RGS22: variants seen among roughly 807,000 people sequenced by gnomAD.
RGS22 encodes regulator of G-protein signaling 22.
A neutral mutation model predicts 172.9 loss-of-function variants in RGS22; 148 were observed. The observed-to-expected ratio is 0.86, with a 90% CI of 0.75 to 0.98. RGS22 has a LOEUF of 0.98. RGS22 is among the 50% of genes least tolerant of loss of function. RGS22 has a pLI of 0.00. For synonymous variants in RGS22, 458 were observed against 480.2 expected (o/e 0.95, Z 0.60); for missense variants, 1,347 against 1,440.8 (o/e 0.93, Z 1.05).
intron 23 of RGS22, among the ~76,000 whole-genome samples, chr8:99,966,018 G>C (rs886315517): frequency 1.3e-5 from 2 of 152,092 alleles, no homozygotes; most frequent in Non-Finnish European, 2.9e-5. Context: ...ATTTTCAGTG[G>C]ATGAATGATC....
rs1815767976 is a variant in RGS22, at chr8:100,006,785, A to C, written c.2362-676T>G. Among the ~76,000 whole-genome samples the C allele has an allele frequency of 2.0e-5, 3 of 152,310 alleles. 1 individual carries two copies. The South Asian group carries it at 6.2e-4, about 32-fold the overall frequency. Reference sequence around the variant, plus strand: ...CAGCTGATCTTTTAGATAAGTCCTCATACTTCCAGAAGGAAGTTTCTGGAA... The same window carrying C: ...CAGCTGATCTTTTAGATAAGTCCTCCTACTTCCAGAAGGAAGTTTCTGGAA... On this transcript the variant is annotated intron_variant, in intron 15 of 27. Transcript: ENST00000360863.
chr8:100,057,768 A>G (rs2131741709), intron 9 of RGS22, among the ~76,000 whole-genome samples: 1 of 152,296 alleles, frequency 6.6e-6, no homozygotes, highest in South Asian at 2.1e-4. Flanking sequence ...TGTCTTTATT[A>G]GTAGCATGAG....
At chr8:100,055,705 T>A (rs553943182) in intron 9 of RGS22, among the ~76,000 whole-genome samples, 1 of 152,184 alleles carries the variant, frequency 6.6e-6, no homozygotes, top group Non-Finnish European at 1.5e-5. Flanking sequence ...AGTCTTACAG[T>A]TCCCCTGCAC....
At chr8:100,011,815 C>A (rs1364063878) in intron 14 of RGS22, among the ~76,000 whole-genome samples, 1 of 152,144 alleles carries the variant, frequency 6.6e-6, no homozygotes, top group Non-Finnish European at 1.5e-5. Flanking sequence ...GAGACTTCAT[C>A]ACCAGCAGAC....
intron 3 of RGS22, among the ~76,000 whole-genome samples, chr8:100,088,973 AGGT>A (rs1324212063): frequency 6.6e-6 from 1 of 152,056 alleles, no homozygotes; most frequent in East Asian, 1.9e-4. Flanking sequence ...AAAGATTAGA[AGGT>A]TTACTTGTTT....
Position 100,006,590 on chromosome 8 carries a change from T to C in RGS22, c.2362-481A>G, listed in dbSNP as rs572279978. ...CATAGCAGGTCTCTGTCTTCAGAGT[T>C]TGTAATGTACTACTTCATATAGTCA... is the stretch of plus-strand genomic sequence containing the variant. On this transcript the variant is annotated intron_variant, in intron 15 of 27. Coordinates refer to ENST00000360863, the MANE Select transcript of RGS22 (RefSeq NM_015668.5). Among the ~76,000 whole-genome samples, 4 of 152,338 alleles carry C rather than the reference T, an allele frequency of 2.6e-5. No individual in the cohort carries two copies. The South Asian group carries it at 8.3e-4, about 32-fold the overall frequency.
At chr8:100,086,001 T>C in intron 3 of RGS22, among the ~76,000 whole-genome samples, 1 of 152,090 alleles carries the variant, frequency 6.6e-6, no homozygotes, top group Admixed American at 6.6e-5. Context: ...TATTAATATA[T>C]TCTGGAAATT....
At position 100,106,032 on chromosome 8, in the gene RGS22, A is replaced by G. The variant is rs1319896416; in HGVS notation, c.-111T>C. The stretch of plus-strand genomic sequence containing the variant: ...CGCGGCGACGGCGCGCGGGCTCCGG[A>G]GCTACGCTGGCTAGCGTGGCCGGCG... On this transcript the variant is annotated 5_prime_UTR_variant, in exon 1 of 28. Coordinates refer to ENST00000360863, the MANE Select transcript of RGS22 (RefSeq NM_015668.5). The G allele has an allele frequency of 8.4e-7, 1 of 1,185,044 alleles. No homozygotes were observed. Among genetic ancestry groups the G allele is most frequent in the Non-Finnish European group, 1.0e-6 (1 of 958,790 alleles). 73.4% of individuals were successfully genotyped at this position (1,185,044 alleles called of 1,614,324 possible).
At chr8:99,977,853 A>G (rs1325110459) in intron 23 of RGS22, 64 bp downstream of exon 23, 6 of 1,344,290 alleles carry the variant, frequency 4.5e-6, no homozygotes, top group Admixed American at 5.4e-5. Flanking sequence ...AAATTATTCT[A>G]TAATTCACAC....
intron 11 of RGS22, among the ~76,000 whole-genome samples, chr8:100,044,692 T>C (rs1820528551): frequency 2.0e-5 from 3 of 151,820 alleles, no homozygotes; most frequent in African/African-American, 4.8e-5. Flanking sequence ...TCTCTGCCTT[T>C]ACTGTAAACC....
intron 2 of RGS22, among the ~76,000 whole-genome samples, chr8:100,095,812 T>A (rs1812921299): frequency 6.6e-6 from 1 of 152,334 alleles, no homozygotes; most frequent in Non-Finnish European, 1.5e-5. Flanking sequence ...TCAGGTATTA[T>A]CAAATACATC....
chr8:99,993,317 A>G (rs1207591852), intron 20 of RGS22, among the ~76,000 whole-genome samples: 2 of 152,202 alleles, frequency 1.3e-5, no homozygotes, highest in African/African-American at 4.8e-5. Flanking sequence ...AAAAAAATCA[A>G]TGAATCCAGG....
At chr8:100,056,406 T>C (rs1282767026) in intron 9 of RGS22, among the ~76,000 whole-genome samples, 1 of 152,146 alleles carries the variant, frequency 6.6e-6, no homozygotes, top group Non-Finnish European at 1.5e-5. Context: ...AGCCAAATGT[T>C]AATCGCCAAG....
chr8:100,061,675 AG>A (rs1586172211), intron 9 of RGS22, among the ~76,000 whole-genome samples: 1 of 152,198 alleles, frequency 6.6e-6, no homozygotes, highest in East Asian at 1.9e-4. Context: ...GTGGAGAAAA[AG>A]GAAGACTTAT....
chr8:100,001,202 TTA>T (rs140189906), intron 18 of RGS22, among the ~76,000 whole-genome samples: 14 of 124,774 alleles, frequency 1.1e-4, no homozygotes, highest in Admixed American at 6.8e-4. Context: ...TCCCAATTTT[TTA>T]TATATATATA....
intron 22 of RGS22, among the ~76,000 whole-genome samples, chr8:99,981,498 C>T (rs1187342680): frequency 6.6e-6 from 1 of 151,888 alleles, no homozygotes; most frequent in Non-Finnish European, 1.5e-5. Context: ...AAATGGTAAC[C>T]ATGGAAAGCC....
At chr8:100,048,436 T>C (rs1039170918) in intron 10 of RGS22, among the ~76,000 whole-genome samples, 5 of 152,158 alleles carry the variant, frequency 3.3e-5, no homozygotes, top group African/African-American at 1.2e-4. Flanking sequence ...GTAGTTTTAT[T>C]ATTTTTATAA....
intron 14 of RGS22, among the ~76,000 whole-genome samples, chr8:100,017,174 A>G (rs144180948): frequency 6.6e-5 from 10 of 151,816 alleles, no homozygotes; most frequent in Admixed American, 2.0e-4. Flanking sequence ...AGGTCTCATT[A>G]TATTGCCCAG....
intron 3 of RGS22, among the ~76,000 whole-genome samples, chr8:100,089,056 C>G (rs1347226235): frequency 6.6e-6 from 1 of 151,940 alleles, no homozygotes; most frequent in Non-Finnish European, 1.5e-5. Flanking sequence ...TTGGGAGATA[C>G]AGAAAAGACC....
Sources: allele counts gnomAD v4.1 joint callset (sites outside exome capture counted in the v4.1 genomes callset), GRCh38; gene constraint gnomAD v4.1.1; transcripts MANE v1.5; gene names NCBI Gene and HGNC (gene_info 2026-07-23, HGNC 2026-07-21).